IL18BP: variants seen among roughly 807,000 people sequenced by gnomAD.
IL18BP encodes the protein interleukin-18-binding protein.
IL18BP carries 23 observed loss-of-function variants against 19.9 expected under a neutral mutation model. That is an observed-to-expected ratio of 1.15 (90% CI 0.83 to 1.64). The LOEUF is 1.64. Among genes scored for constraint, IL18BP ranks in the 40% most tolerant of loss-of-function variants. The pLI, the probability that IL18BP is intolerant of heterozygous loss-of-function variation, is 0.00. For missense variants in IL18BP, 239 were observed against 240.7 expected, an observed-to-expected ratio of 0.99 and a Z score of 0.05; for synonymous variants, 107 against 101.0, an observed-to-expected ratio of 1.06 and a Z score of -0.35.
At chr11:72,004,001 G>A (rs1955475713), downstream of IL18BP, 1 of 1,613,428 alleles carries the variant, frequency 6.2e-7, no homozygotes, top group Non-Finnish European at 8.5e-7. Flanking sequence ...GGGAAGCCTT[G>A]GACAGGGCCT....
In IL18BP at chr11:72,001,439, A is replaced by G. The variant is rs545734266; in HGVS notation, c.394A>G (p.Lys132Glu). Residue 132 changes from lysine (K) to glutamate (E), a missense_variant, in exon 5 of 6, where the codon AAG becomes GAG. Coordinates refer to ENST00000393703, the MANE Select transcript of IL18BP (RefSeq NM_001039660.2). ...TGGGAGCACAGGTACGCAGCTGTGC[A>G]AGGCCTTGGTGCTGGAGCAGCTGAC... ...ERGSTGTQLC[K>E]ALVLEQLTPA... 6.2e-7 allele frequency: 1 copy of G among 1,614,200 alleles called. No individual in the cohort carries two copies. The highest frequency in any genetic ancestry group is 1.7e-5 in the Admixed American group (1 of 60,026).
downstream of IL18BP, chr11:72,007,503 A>G: frequency 6.4e-7 from 1 of 1,571,246 alleles, no homozygotes. Context: ...GCCCTTTTTG[A>G]AAGTGACCAT....
At chr11:72,007,082 G>A, downstream of IL18BP, 1 of 1,349,508 alleles carries the variant, frequency 7.4e-7, no homozygotes, top group Non-Finnish European at 1.0e-6. Flanking sequence ...CTGTAACATG[G>A]ACTGGCTGCT....
At chr11:72,001,145 C>G in intron 3 of IL18BP, 56 bp from the exon 4 acceptor site, 1 of 1,608,156 alleles carries the variant, frequency 6.2e-7, no homozygotes. Context: ...CACAGCAGAG[C>G]AGGGTAGGGG....
Position 72,000,456 on chromosome 11 carries a change from G to A in IL18BP, c.134G>A (p.Arg45Lys). The stretch of plus-strand genomic sequence containing the variant: ...ACCACAGCTGCCACTGCCTCAGTTA[G>A]AAGCACAAAGGACCCCTGCCCCTCC... The part of the protein sequence containing the change: ...QTTTAATASV[R>K]STKDPCPSQP... Residue 45 changes from arginine to lysine, a missense_variant, in exon 3 of 6, where the codon AGA becomes AAA. Physicochemically the swap from Arg to Lys is conservative, Grantham distance 26. Transcript: ENST00000393703. 1.2e-6 allele frequency: 2 copies of A among 1,614,116 alleles called. No homozygotes were observed. Among genetic ancestry groups the A allele is most frequent in the African/African-American group, 2.7e-5 (2 of 75,040 alleles).
intron 2 of IL18BP, 29 bp from the exon 3 acceptor site, chr11:72,000,322 C>T (rs530975981): frequency 1.3e-5 from 20 of 1,597,330 alleles, no homozygotes; most frequent in Non-Finnish European, 1.6e-5. Flanking sequence ...GTCTCCAGAG[C>T]CGCTGACCTG....
At chr11:72,006,984 G>GA (rs1955765196), downstream of IL18BP, among the ~76,000 whole-genome samples, 2 of 152,330 alleles carry the variant, frequency 1.3e-5, no homozygotes, top group African/African-American at 4.8e-5. Flanking sequence ...TTAGTCAGGA[G>GA]GCAGGGATCT....
downstream of IL18BP, chr11:72,003,904 G>A (rs746207031): frequency 6.2e-7 from 1 of 1,613,750 alleles, no homozygotes; most frequent in South Asian, 1.1e-5. Flanking sequence ...TTGGCTCGAG[G>A]GGTGGCACCA....
At chr11:72,003,577 C>T (rs372473305), downstream of IL18BP, 197 of 1,613,518 alleles carry the variant, frequency 1.2e-4, no homozygotes, top group Non-Finnish European at 1.5e-4. Flanking sequence ...TGAGAACTTG[C>T]GATACTAGCC....
chr11:72,004,920 G>T, downstream of IL18BP: 1 of 1,158,654 alleles, frequency 8.6e-7, no homozygotes, highest in Non-Finnish European at 1.2e-6. Flanking sequence ...TTATGGTCGG[G>T]ACCCTTCCTG....
chr11:72,003,967 G>A (rs771626832), downstream of IL18BP: 65 of 1,613,184 alleles, frequency 4.0e-5, no homozygotes, highest in African/African-American at 6.7e-5. Flanking sequence ...CGCGGAGAAC[G>A]GCGGGTTCCA....
rs147614257 is a variant in IL18BP, at chr11:71,999,766, G to A, written c.-58-161G>A. ...ACAACCATTTGTGGTCATGAGAGCT[G>A]GGGTGGGGAAGGATTGTCACTTGAC... On this transcript the variant is annotated intron_variant, in intron 1 of 5. Coordinates refer to ENST00000393703, the MANE Select transcript of IL18BP (RefSeq NM_001039660.2). 2,657 of 582,070 alleles carry A rather than the reference G, an allele frequency of 4.6e-3. 19 individuals carry two copies. Among genetic ancestry groups the A allele is most frequent in the Non-Finnish European group, 6.0e-3 (1,937 of 323,384 alleles). The allele number at this position is 582,070 out of a possible 1,614,324, so 36.1% of individuals were successfully genotyped here. A position where few individuals can be genotyped will look rare whatever the true frequency, so the allele number is the denominator to read the frequency against.
Position 72,001,661 on chromosome 11 carries a change from T to C in IL18BP, c.507+109T>C, listed in dbSNP as rs768269322. On this transcript the variant is annotated intron_variant, in intron 5 of 5. Coordinates refer to ENST00000393703, the MANE Select transcript of IL18BP (RefSeq NM_001039660.2). The stretch of plus-strand genomic sequence containing the variant: ...CAGCCTGTGAACTAATGCCCAGCAT[T>C]CCTCAAGGTCAGCCAGACAAAAAGG... 3.1e-6 allele frequency: 5 copies of C among 1,604,152 alleles called. No individual in the cohort carries two copies. The African/African-American group carries it at 6.7e-5, about 22-fold the overall frequency.
downstream of IL18BP, chr11:72,005,672 T>A: frequency 2.0e-6 from 1 of 496,050 alleles, no homozygotes; most frequent in Non-Finnish European, 3.5e-6. Context: ...GACCGGGAAT[T>A]AATTCCCAGG....
downstream of IL18BP, chr11:72,007,362 G>T: frequency 3.1e-6 from 5 of 1,613,694 alleles, no homozygotes; most frequent in Non-Finnish European, 4.2e-6. Context: ...ACCTTGGGGG[G>T]CAGGCGCTGG....
downstream of IL18BP, chr11:72,004,658 C>T (rs1359493767): frequency 7.4e-6 from 12 of 1,612,876 alleles, no homozygotes; most frequent in Non-Finnish European, 8.5e-6. Context: ...TTCCAGGGCC[C>T]TGGTGGGGCT....
chr11:72,003,384 T>G, downstream of IL18BP: 1 of 799,818 alleles, frequency 1.3e-6, no homozygotes, highest in Non-Finnish European at 2.2e-6. Context: ...CAGGCCAGGG[T>G]GCGGGCAGGC....
Position 72,000,500 on chromosome 11 carries a change from G to T in IL18BP, c.178G>T (p.Ala60Ser), listed in dbSNP as rs199903534. 8.5e-5 allele frequency: 137 copies of T among 1,613,846 alleles called. No homozygotes were observed. In the African/African-American group the frequency reaches 1.5e-3, roughly 18 times the overall value. ...PCPSQPPVFP[A>S]AKQCPALEVT... ...CCCCTCCCAGCCCCCAGTGTTCCCA[G>T]CAGCTAAGCAGTGTCCAGCATTGGA... Residue 60 changes from alanine to serine, a missense_variant, in exon 3 of 6, where the codon GCA (alanine) becomes TCA (serine). By Grantham distance (99) the Ala-to-Ser change is moderately conservative (BLOSUM62 1). Transcript: ENST00000393703.
chr11:72,006,984 G>A (rs1363922232), downstream of IL18BP, among the ~76,000 whole-genome samples: 1 of 152,212 alleles, frequency 6.6e-6, no homozygotes, highest in African/African-American at 2.4e-5. Flanking sequence ...TTAGTCAGGA[G>A]GCAGGGATCT....
Sources: gnomAD v4.1 joint callset for allele counts (sites outside exome capture counted in the v4.1 genomes callset) on GRCh38, gnomAD v4.1.1 for gene constraint, MANE v1.5 for transcripts, NCBI Gene and HGNC (gene_info 2026-07-23, HGNC 2026-07-21) for gene names.